The following FSTL5 variants were observed in gnomAD, a reference collection of about 807,000 sequenced individuals.
FSTL5 encodes the protein follistatin like 5.
A neutral mutation model predicts 89.1 loss-of-function variants in FSTL5; 62 were observed. The ratio of observed to expected loss-of-function variants is 0.70; its 90% confidence interval spans 0.57 to 0.86. The LOEUF (loss-of-function observed/expected upper bound fraction) is 0.86. FSTL5 is among the 40% of genes least tolerant of loss of function. FSTL5 has a pLI of 0.00. For synonymous variants in FSTL5, 383 were observed against 346.2 expected (o/e 1.11, Z -1.18); for missense variants, 1,057 against 1,001.6 (o/e 1.06, Z -0.75).
intron 12 of FSTL5, among the ~76,000 whole-genome samples, chr4:161,481,993 C>A (rs1291455155): frequency 6.6e-6 from 1 of 152,078 alleles, no homozygotes; most frequent in Non-Finnish European, 1.5e-5. Context: ...TTAGGAAAAC[C>A]ACTAATAAGA....
intron 2 of FSTL5, among the ~76,000 whole-genome samples, chr4:162,088,402 A>G (rs1346743162): frequency 6.6e-6 from 1 of 152,040 alleles, no homozygotes; most frequent in East Asian, 1.9e-4. Flanking sequence ...TTTTGTATCT[A>G]TATATATCTA....
At chr4:161,460,535 A>C (rs1265278114) in intron 13 of FSTL5, among the ~76,000 whole-genome samples, 9 of 152,072 alleles carry the variant, frequency 5.9e-5, no homozygotes, top group African/African-American at 1.9e-4. Flanking sequence ...TCCATAATGC[A>C]ATGTTCTTCT....
At chr4:162,146,702 T>TC (rs1386698473) in intron 1 of FSTL5, among the ~76,000 whole-genome samples, 4 of 63,908 alleles carry the variant, frequency 6.3e-5, no homozygotes, top group Non-Finnish European at 1.0e-4. Flanking sequence ...TCCCTTCCCT[T>TC]CCCTTCCCCT....
chr4:162,012,116 C>T (rs1173724334), intron 3 of FSTL5, among the ~76,000 whole-genome samples: 5 of 152,124 alleles, frequency 3.3e-5, no homozygotes, highest in African/African-American at 4.8e-5. Flanking sequence ...TACGTTCCAA[C>T]GGTAATATCC....
intron 8 of FSTL5, among the ~76,000 whole-genome samples, chr4:161,570,856 C>T (rs893460354): frequency 2.6e-5 from 4 of 152,060 alleles, no homozygotes; most frequent in African/African-American, 9.7e-5. Context: ...TGGTTCACAC[C>T]TGTAATCCCA....
rs532330135 is a variant in FSTL5, at chr4:161,572,380, C to A, written c.1015+15075G>T. ...GAGAGAAAGAGAAAGAAGAAGAATG[C>A]ACTGATTATGACCCCTGACAAGTGG... On this transcript the variant is annotated intron_variant, in intron 8 of 15. Transcript: ENST00000306100. Among the ~76,000 whole-genome samples the A allele has an allele frequency of 6.9e-5, 10 of 144,250 alleles. No individual in the cohort carries two copies. The East Asian group carries it at 1.9e-3, about 27-fold the overall frequency. 94.6% of individuals were successfully genotyped at this position (144,250 alleles called of 152,430 possible). A position where few individuals can be genotyped will look rare whatever the true frequency, so the allele number is the denominator to read the frequency against.
At chr4:161,799,322 T>C (rs1190578768) in intron 4 of FSTL5, among the ~76,000 whole-genome samples, 1 of 151,736 alleles carries the variant, frequency 6.6e-6, no homozygotes, top group African/African-American at 2.4e-5. Flanking sequence ...GAGTGAGTTA[T>C]GAGAGATCCA....
intron 3 of FSTL5, among the ~76,000 whole-genome samples, chr4:161,926,399 T>TG (rs1553983050): frequency 1.2e-3 from 37 of 30,042 alleles, no homozygotes; most frequent in Non-Finnish European, 2.3e-3. Flanking sequence ...AGAAGGTTTT[T>TG]TTTTTTTGTT....
chr4:161,819,382 A>G (rs1730425042), intron 4 of FSTL5, among the ~76,000 whole-genome samples: 1 of 152,146 alleles, frequency 6.6e-6, no homozygotes, highest in African/African-American at 2.4e-5. Flanking sequence ...TATTTTGTAC[A>G]GTAATAGTCA....
chr4:161,478,959 T>C (rs1394706613), intron 13 of FSTL5, among the ~76,000 whole-genome samples: 1 of 152,014 alleles, frequency 6.6e-6, no homozygotes, highest in Non-Finnish European at 1.5e-5. Flanking sequence ...ATCATACATA[T>C]CCATTTATGC....
intron 10 of FSTL5, among the ~76,000 whole-genome samples, chr4:161,521,913 A>AT (rs1220679330): frequency 6.7e-6 from 1 of 150,150 alleles, no homozygotes; most frequent in Non-Finnish European, 1.5e-5. Context: ...TGTCCACATT[A>AT]TTTTATCACT....
chr4:161,697,305 T>C (rs1483230254), intron 6 of FSTL5, among the ~76,000 whole-genome samples: 1 of 152,206 alleles, frequency 6.6e-6, no homozygotes, highest in Non-Finnish European at 1.5e-5. Flanking sequence ...TTAACTAGAC[T>C]CTGGAGCTGT....
intron 3 of FSTL5, among the ~76,000 whole-genome samples, chr4:162,006,185 A>C (rs1217232339): frequency 6.6e-6 from 1 of 152,024 alleles, no homozygotes; most frequent in Non-Finnish European, 1.5e-5. Flanking sequence ...TAATTTGCTT[A>C]TGCTTTATAC....
At chr4:161,457,946 T>C (rs1408477710) in intron 14 of FSTL5, among the ~76,000 whole-genome samples, 1 of 152,222 alleles carries the variant, frequency 6.6e-6, no homozygotes, top group African/African-American at 2.4e-5. Context: ...TCGATGAATA[T>C]GATGTAGCAA....
chr4:161,807,169 T>G (rs1282106273), intron 4 of FSTL5, among the ~76,000 whole-genome samples: 1 of 149,360 alleles, frequency 6.7e-6, no homozygotes, highest in African/African-American at 2.5e-5. Context: ...GGCCATCTAC[T>G]ACGACTATTT....
At chr4:162,110,345 G>A (rs1295763056) in intron 2 of FSTL5, among the ~76,000 whole-genome samples, 1 of 151,662 alleles carries the variant, frequency 6.6e-6, no homozygotes, top group African/African-American at 2.4e-5. Context: ...TTAATGTCTG[G>A]TACACAAAAG....
intron 1 of FSTL5, among the ~76,000 whole-genome samples, chr4:162,157,105 T>C (rs549877376): frequency 1.2e-4 from 19 of 152,086 alleles, no homozygotes; most frequent in Non-Finnish European, 2.6e-4. Context: ...AAAATAATTT[T>C]GTCTCAGTTT....
At chr4:161,783,898 C>T (rs924063011) in intron 4 of FSTL5, among the ~76,000 whole-genome samples, 4 of 149,010 alleles carry the variant, frequency 2.7e-5, no homozygotes, top group African/African-American at 9.9e-5. Context: ...CCTGAGTAGC[C>T]GGGATTACAG....
chr4:161,625,029 T>G (rs1735267263), intron 7 of FSTL5, among the ~76,000 whole-genome samples: 1 of 152,148 alleles, frequency 6.6e-6, no homozygotes, highest in Non-Finnish European at 1.5e-5. Flanking sequence ...TTTGCCATTC[T>G]AGGATTCTAT....
Sources: gnomAD v4.1 joint callset for allele counts (sites outside exome capture counted in the v4.1 genomes callset) on GRCh38, gnomAD v4.1.1 for gene constraint, MANE v1.5 for transcripts, NCBI Gene and HGNC (gene_info 2026-07-23, HGNC 2026-07-21) for gene names.